The following CDH12 variants were observed in gnomAD, a reference collection of about 807,000 sequenced individuals.
CDH12 encodes cadherin 12, also known as cadherin-12.
CDH12 carries 41 observed loss-of-function variants against 74.1 expected under a neutral mutation model. The observed-to-expected ratio is 0.55, with a 90% CI of 0.43 to 0.72. CDH12 has a LOEUF of 0.72. Ranked by LOEUF, CDH12 falls within the 30% of genes least tolerant of loss-of-function variation. CDH12 has a pLI of 0.00. For missense variants in CDH12, 945 were observed against 977.2 expected, an observed-to-expected ratio of 0.97 and a Z score of 0.44; for synonymous variants, 399 against 355.0, an observed-to-expected ratio of 1.12 and a Z score of -1.39.
intron 5 of CDH12, among the ~76,000 whole-genome samples, chr5:22,041,810 C>T (rs992491741): frequency 6.6e-6 from 1 of 152,010 alleles, no homozygotes; most frequent in Non-Finnish European, 1.5e-5. Flanking sequence ...ACAAAATGGG[C>T]CTAACAGGTA....
At chr5:22,349,902 G>A (rs1207855173) in intron 3 of CDH12, among the ~76,000 whole-genome samples, 1 of 152,102 alleles carries the variant, frequency 6.6e-6, no homozygotes, top group African/African-American at 2.4e-5. Flanking sequence ...TAAAAAATTT[G>A]TCAACCAGTA....
rs987022132 is a variant in CDH12 at position 21,751,116 on chromosome 5, G to A, written c.*621C>T. ...CTGAAAGGATAGGATAAACAAATAC[G>A]TTTTAGCATACAGTTTAAAAAAGAA... On this transcript the variant is annotated 3_prime_UTR_variant, in exon 15 of 15. Transcript: ENST00000382254. 22 of 152,386 alleles carry A rather than the reference G, an allele frequency of 1.4e-4. No homozygotes were observed. Among genetic ancestry groups the A allele is most frequent in the Admixed American group, 5.3e-4 (8 of 15,234 alleles). 9.4% of individuals were successfully genotyped at this position (152,386 alleles called of 1,614,324 possible).
chr5:22,102,098 T>C (rs938541454), intron 4 of CDH12, among the ~76,000 whole-genome samples: 2 of 152,220 alleles, frequency 1.3e-5, no homozygotes, highest in Non-Finnish European at 2.9e-5. Flanking sequence ...TATATATTTA[T>C]AAAGTCACTG....
intron 1 of CDH12, among the ~76,000 whole-genome samples, chr5:22,805,345 T>G (rs1052804983): frequency 2.0e-5 from 3 of 152,212 alleles, no homozygotes; most frequent in East Asian, 1.9e-4. Context: ...ATTTGCAGAA[T>G]GAACCCATTT....
At chr5:22,345,774 A>G (rs1370686902) in intron 3 of CDH12, among the ~76,000 whole-genome samples, 1 of 152,202 alleles carries the variant, frequency 6.6e-6, no homozygotes, top group Admixed American at 6.5e-5. Context: ...CAACCACAGC[A>G]GTTTCCAAGT....
rs545858404 is a variant in CDH12 at position 22,355,894 on chromosome 5, A to G, written c.-333+49363T>C. On this transcript the variant is annotated intron_variant, in intron 3 of 14. Coordinates refer to ENST00000382254, the MANE Select transcript of CDH12 (RefSeq NM_004061.5). ...CTAAACAATAGGGGTTGGGAAACAT[A>G]TAAAGGCACAGAAATAATCTTTGGA... Among the ~76,000 whole-genome samples, 3 of 152,358 alleles carry G rather than the reference A, an allele frequency of 2.0e-5. No individual in the cohort carries two copies. In the East Asian group the frequency reaches 5.8e-4, roughly 29 times the overall value.
At chr5:22,425,630 G>A (rs1349099852) in intron 2 of CDH12, among the ~76,000 whole-genome samples, 1 of 151,806 alleles carries the variant, frequency 6.6e-6, no homozygotes, top group African/African-American at 2.4e-5. Flanking sequence ...TATCTAAAAT[G>A]TATTAGTTAA....
intron 1 of CDH12, among the ~76,000 whole-genome samples, chr5:22,592,504 C>G (rs1351702017): frequency 6.6e-6 from 1 of 152,026 alleles, no homozygotes; most frequent in Non-Finnish European, 1.5e-5. Context: ...TAAATTATGT[C>G]TCCTCTTCCT....
intron 5 of CDH12, among the ~76,000 whole-genome samples, chr5:22,023,569 T>TTCTC (rs79396717): frequency 6.6e-6 from 1 of 150,708 alleles, no homozygotes; most frequent in East Asian, 2.0e-4. Context: ...CACACGAATA[T>TTCTC]TCTCTCTCTC....
chr5:21,761,442 T>C lies in CDH12; in HGVS notation c.1516-767A>G, dbSNP rs1236591863. Among the ~76,000 whole-genome samples the C allele has an allele frequency of 2.0e-5, 3 of 152,252 alleles. No homozygotes were observed. The East Asian group carries it at 5.8e-4, about 29-fold the overall frequency. On this transcript the variant is annotated intron_variant, in intron 12 of 14. Coordinates refer to ENST00000382254, the MANE Select transcript of CDH12 (RefSeq NM_004061.5). ...TATTTATTAACATATCCAATGGCTG[T>C]GCATCAGACAGAATTTCAGGAAGTG... is the stretch of plus-strand genomic sequence containing the variant.
intron 2 of CDH12, among the ~76,000 whole-genome samples, chr5:22,408,204 A>G (rs1275926397): frequency 1.3e-5 from 2 of 151,784 alleles, no homozygotes; most frequent in Admixed American, 1.3e-4. Flanking sequence ...CTCTGTTTAT[A>G]AAAGCTGTGG....
At chr5:22,054,577 A>G (rs986607893) in intron 5 of CDH12, among the ~76,000 whole-genome samples, 2 of 152,132 alleles carry the variant, frequency 1.3e-5, no homozygotes, top group Non-Finnish European at 2.9e-5. Flanking sequence ...CATTTTGGCA[A>G]AGATCTGCCC....
intron 5 of CDH12, among the ~76,000 whole-genome samples, chr5:22,069,542 T>C (rs1431682278): frequency 6.6e-6 from 1 of 152,192 alleles, no homozygotes; most frequent in Non-Finnish European, 1.5e-5. Context: ...TATGGTGTTA[T>C]GCTATGCAGG....
At position 22,756,193 on chromosome 5, in the gene CDH12, T is replaced by C. The variant is rs1745900150; in HGVS notation, c.-523+96865A>G. ...GTCTATAACAGTATACTCACACATA[T>C]TAGGTGGTCTATCTATGTTTGTTGA... On this transcript the variant is annotated intron_variant, in intron 1 of 14. Transcript: ENST00000382254. Among the ~76,000 whole-genome samples, 3 of 151,562 alleles carry C rather than the reference T, an allele frequency of 2.0e-5. No individual in the cohort carries two copies. The South Asian group carries it at 6.2e-4, about 31-fold the overall frequency.
intron 3 of CDH12, among the ~76,000 whole-genome samples, chr5:22,313,307 T>A (rs1234760874): frequency 6.6e-6 from 1 of 152,158 alleles, no homozygotes; most frequent in Non-Finnish European, 1.5e-5. Flanking sequence ...TTTTTCTAAA[T>A]TTTTAGACTA....
At chr5:22,517,307 A>G (rs1294093366) in intron 1 of CDH12, among the ~76,000 whole-genome samples, 1 of 152,046 alleles carries the variant, frequency 6.6e-6, no homozygotes, top group African/African-American at 2.4e-5. Context: ...TATTTAATTA[A>G]TATTATTTTT....
intron 3 of CDH12, among the ~76,000 whole-genome samples, chr5:22,232,791 C>T (rs907267604): frequency 6.7e-6 from 1 of 149,888 alleles, no homozygotes; most frequent in Non-Finnish European, 1.5e-5. Context: ...TTTATTCATT[C>T]TCTCTAAGAA....
intron 3 of CDH12, among the ~76,000 whole-genome samples, chr5:22,395,693 G>A (rs972863580): frequency 6.6e-6 from 1 of 152,070 alleles, no homozygotes; most frequent in Non-Finnish European, 1.5e-5. Flanking sequence ...TGGGTCTGAA[G>A]ACTAGTGGAA....
rs1308183264 is a variant in CDH12, at chr5:22,368,965, C to A, written c.-333+36292G>T. The stretch of plus-strand genomic sequence containing the variant: ...CCAACATGGTGAAACCCCGTCTCTA[C>A]TAAAAATACAAAAATTAGCTAGGTG... On this transcript the variant is annotated intron_variant, in intron 3 of 14. Coordinates refer to ENST00000382254, the MANE Select transcript of CDH12 (RefSeq NM_004061.5). Among the ~76,000 whole-genome samples the A allele has an allele frequency of 2.0e-5, 3 of 152,008 alleles. No individual in the cohort carries two copies. In the East Asian group the frequency reaches 5.8e-4, roughly 29 times the overall value.
Sources: allele counts gnomAD v4.1 joint callset (sites outside exome capture counted in the v4.1 genomes callset), GRCh38; gene constraint gnomAD v4.1.1; transcripts MANE v1.5; gene names NCBI Gene and HGNC (gene_info 2026-07-23, HGNC 2026-07-21).